Variants in GABBR2 observed in about 807,000 individuals in gnomAD.
GABBR2 encodes the protein gamma-aminobutyric acid type B receptor subunit 2, also known as G-protein coupled receptor 51.
A neutral mutation model predicts 105.6 loss-of-function variants in GABBR2; 23 were observed. That is an observed-to-expected ratio of 0.22 (90% CI 0.16 to 0.31). The LOEUF is 0.31. Ranked by LOEUF, GABBR2 falls within the 10% of genes least tolerant of loss-of-function variation. The pLI, the probability that GABBR2 is intolerant of heterozygous loss-of-function variation, is 1.00. For synonymous variants in GABBR2, 478 were observed against 499.7 expected, an observed-to-expected ratio of 0.96 and a Z score of 0.58; for missense variants, 734 against 1,245.5, an observed-to-expected ratio of 0.59 and a Z score of 6.18.
rs148418028 is a variant in GABBR2, at chr9:98,684,168, G to GT, written c.321+24248dup. Among the ~76,000 whole-genome samples the GT allele has an allele frequency of 3.9e-3, 18 of 4,602 alleles. 2 individuals are homozygous for GT. Among genetic ancestry groups the GT allele is most frequent in the East Asian group, 4.9e-3 (1 of 204 alleles). The allele number at this position is 4,602 out of a possible 152,430, so 3.0% of individuals were successfully genotyped here. On this transcript the variant is annotated intron_variant, in intron 1 of 18. Coordinates refer to ENST00000259455, the MANE Select transcript of GABBR2 (RefSeq NM_005458.8). ...AAAAAGAAGAATGCATTTTACCACG[G>GT]TAAAAAAAAAAAAAAAAAAAAAAAA...
At chr9:98,489,917 A>T (rs1168718344) in intron 4 of GABBR2, among the ~76,000 whole-genome samples, 1 of 152,212 alleles carries the variant, frequency 6.6e-6, no homozygotes, top group Non-Finnish European at 1.5e-5. Context: ...ACATGGTAAA[A>T]CACCATCTCT....
At chr9:98,418,774 G>T (rs897594056) in intron 7 of GABBR2, among the ~76,000 whole-genome samples, 1 of 152,162 alleles carries the variant, frequency 6.6e-6, no homozygotes, top group Non-Finnish European at 1.5e-5. Context: ...CCAGAGCAGT[G>T]GCTGGCATCT....
chr9:98,575,547 A>G (rs1321099838), intron 2 of GABBR2, among the ~76,000 whole-genome samples: 1 of 152,178 alleles, frequency 6.6e-6, no homozygotes, highest in Non-Finnish European at 1.5e-5. Context: ...TACCTTGATT[A>G]TGCAGATGAT....
At chr9:98,347,914 C>T (rs11515524) in intron 13 of GABBR2, among the ~76,000 whole-genome samples, 11,110 of 152,224 alleles carry the variant, frequency 0.073, 502 homozygotes, top group Middle Eastern at 0.12. Flanking sequence ...GTAAGTCTCA[C>T]GAGACCTGAT....
intron 9 of GABBR2, among the ~76,000 whole-genome samples, chr9:98,393,157 C>CCCATCCAT (rs148679963): frequency 3.5e-5 from 4 of 115,274 alleles, no homozygotes; most frequent in African/African-American, 7.1e-5. Context: ...CATCCACCAA[C>CCCATCCAT]CCATCCATCC....
chr9:98,361,595 C>T (rs1345888793), intron 13 of GABBR2, among the ~76,000 whole-genome samples: 1 of 152,146 alleles, frequency 6.6e-6, no homozygotes, highest in East Asian at 1.9e-4. Context: ...TGAATGGTGA[C>T]CAGATGTCCC....
chr9:98,502,992 C>T lies in GABBR2; in HGVS notation c.631-6478G>A, dbSNP rs1827435299. On this transcript the variant is annotated intron_variant, in intron 3 of 18. Transcript: ENST00000259455. Reference sequence around the variant, plus strand: ...AGGAACCGTCTGAGGTAGGACTGGGCCTCTAAAGACCAAAAATGTTCACTG... The same window carrying T: ...AGGAACCGTCTGAGGTAGGACTGGGTCTCTAAAGACCAAAAATGTTCACTG... Among the ~76,000 whole-genome samples the T allele has an allele frequency of 5.3e-5, 8 of 152,316 alleles. No homozygotes were observed. In the South Asian group the frequency reaches 1.7e-3, roughly 32 times the overall value.
intron 1 of GABBR2, 71 bp downstream of exon 1, chr9:98,708,346 G>GCA: frequency 7.8e-7 from 1 of 1,280,830 alleles, no homozygotes; most frequent in South Asian, 2.5e-5. Flanking sequence ...AAGGCCGGAG[G>GCA]TTGCCTGTGT....
intron 4 of GABBR2, among the ~76,000 whole-genome samples, chr9:98,488,096 T>C (rs967966415): frequency 2.4e-4 from 36 of 152,188 alleles, no homozygotes; most frequent in African/African-American, 8.0e-4. Flanking sequence ...AGGTGGCCTC[T>C]AGATACTGGA....
intron 1 of GABBR2, among the ~76,000 whole-genome samples, chr9:98,618,523 TCTCTCTGA>T: frequency 6.8e-6 from 1 of 147,876 alleles, no homozygotes; most frequent in Admixed American, 6.9e-5. Flanking sequence ...TCTCTCTCTG[TCTCTCTGA>T]CTCTTTCTGT....
intron 8 of GABBR2, among the ~76,000 whole-genome samples, chr9:98,404,054 A>C (rs1196151241): frequency 6.6e-6 from 1 of 151,994 alleles, no homozygotes; most frequent in Non-Finnish European, 1.5e-5. Flanking sequence ...TGGTGTTTAA[A>C]CCTAACGTAT....
intron 1 of GABBR2, among the ~76,000 whole-genome samples, chr9:98,612,971 C>T (rs1021041259): frequency 2.6e-5 from 4 of 152,192 alleles, no homozygotes; most frequent in African/African-American, 9.6e-5. Flanking sequence ...TAGAGGAAAG[C>T]TGGGATGAAG....
At chr9:98,452,584 T>C (rs961378048) in intron 7 of GABBR2, among the ~76,000 whole-genome samples, 1 of 152,244 alleles carries the variant, frequency 6.6e-6, no homozygotes, top group African/African-American at 2.4e-5. Flanking sequence ...ACAGTAACAA[T>C]AGAATTTATT....
intron 13 of GABBR2, among the ~76,000 whole-genome samples, chr9:98,350,189 C>T (rs549920351): frequency 4.8e-5 from 7 of 146,190 alleles, no homozygotes; most frequent in South Asian, 2.1e-4. Flanking sequence ...AAAAAAAAAA[C>T]CCCACAAGTT....
chr9:98,511,097 A>G (rs1344561071), intron 3 of GABBR2, among the ~76,000 whole-genome samples: 1 of 152,254 alleles, frequency 6.6e-6, no homozygotes, highest in Non-Finnish European at 1.5e-5. Flanking sequence ...CAGGATTAAG[A>G]AACTCACTCA....
chr9:98,651,205 G>A lies in GABBR2; in HGVS notation c.321+57212C>T, dbSNP rs183458911. On this transcript the variant is annotated intron_variant, in intron 1 of 18. Coordinates refer to ENST00000259455, the MANE Select transcript of GABBR2 (RefSeq NM_005458.8). ...GTCACCCAGGCTGGAGTGCAGTGGT[G>A]CAGTCTCAGCTTACTGCAACCTCTG... 1.0e-4 allele frequency among the ~76,000 whole-genome samples: 15 copies of A among 147,652 alleles called. No individual in the cohort carries two copies. In the East Asian group the frequency reaches 3.0e-3, roughly 29 times the overall value.
At chr9:98,414,430 A>C (rs58347401) in intron 7 of GABBR2, among the ~76,000 whole-genome samples, 2,487 of 152,272 alleles carry the variant, frequency 0.016, 67 homozygotes, top group African/African-American at 0.057. Flanking sequence ...CTGAGCAAGG[A>C]ATGTGACCGG....
At chr9:98,577,614 A>G (rs1473894072) in intron 2 of GABBR2, among the ~76,000 whole-genome samples, 2 of 152,202 alleles carry the variant, frequency 1.3e-5, no homozygotes, top group East Asian at 3.9e-4. Context: ...GCTGTGGAGC[A>G]AGTGGAAGGA....
intron 1 of GABBR2, among the ~76,000 whole-genome samples, chr9:98,623,691 G>A (rs1175544038): frequency 3.9e-5 from 6 of 152,002 alleles, no homozygotes; most frequent in Admixed American, 1.3e-4. Flanking sequence ...TCTTTGACCC[G>A]TCTTCTGTTG....
Sources: gnomAD v4.1 joint callset for allele counts (sites outside exome capture counted in the v4.1 genomes callset) on GRCh38, gnomAD v4.1.1 for gene constraint, MANE v1.5 for transcripts, NCBI Gene and HGNC (gene_info 2026-07-23, HGNC 2026-07-21) for gene names.